The following APP variants were observed in gnomAD, a reference collection of about 807,000 sequenced individuals.
APP encodes amyloid-beta precursor protein.
Under a neutral mutation model 101.4 loss-of-function variants are expected in APP, and 31 were observed. That is an observed-to-expected ratio of 0.31 (90% confidence interval 0.23 to 0.41). The LOEUF is 0.41. Ranked by LOEUF, APP falls within the 10% of genes least tolerant of loss-of-function variation. The pLI is 1.00. For missense variants in APP, 839 were observed against 1,003.7 expected, an observed-to-expected ratio of 0.84 and a Z score of 2.22; for synonymous variants, 366 against 364.4, an observed-to-expected ratio of 1.00 and a Z score of -0.05.
chr21:26,048,257 A>C (rs1450597800), intron 5 of APP, among the ~76,000 whole-genome samples: 1 of 152,076 alleles, frequency 6.6e-6, no homozygotes, highest in African/African-American at 2.4e-5. Flanking sequence ...CGGGAGGTGG[A>C]GGTTGCAGTG....
At chr21:25,903,893 C>T (rs2038646898) in intron 15 of APP, among the ~76,000 whole-genome samples, 1 of 152,156 alleles carries the variant, frequency 6.6e-6, no homozygotes, top group Admixed American at 6.5e-5. Flanking sequence ...AGCATAAAGG[C>T]ATGAAGATGC....
At chr21:26,102,992 A>C (rs1040174469) in intron 2 of APP, among the ~76,000 whole-genome samples, 1 of 152,068 alleles carries the variant, frequency 6.6e-6, no homozygotes, top group African/African-American at 2.4e-5. Context: ...TAGTATAAAT[A>C]ACAGAGGAAA....
At chr21:26,064,634 A>G (rs1252826229) in intron 3 of APP, among the ~76,000 whole-genome samples, 20 of 152,106 alleles carry the variant, frequency 1.3e-4, no homozygotes, top group Admixed American at 1.3e-3. Context: ...AGCCGCTTGC[A>G]AAAGGCATGT....
intron 8 of APP, among the ~76,000 whole-genome samples, chr21:25,992,247 G>A (rs2042895495): frequency 6.6e-6 from 1 of 152,106 alleles, no homozygotes; most frequent in South Asian, 2.1e-4. Flanking sequence ...AGCTGTGTGT[G>A]GTGGCAGGCG....
chr21:26,136,169 A>AAAAGAAAGAAAGAAAGAAAGAAAGAAAG (rs138676290), intron 1 of APP, among the ~76,000 whole-genome samples: 12 of 92,010 alleles, frequency 1.3e-4, no homozygotes, highest in African/African-American at 6.5e-4. Flanking sequence ...GAAAAGAAAG[A>AAAAGAAAGAAAGAAAGAAAGAAAGAAAG]AAAGAAAGAA....
intron 1 of APP, among the ~76,000 whole-genome samples, chr21:26,112,455 C>T (rs1186092294): frequency 6.6e-6 from 1 of 152,178 alleles, no homozygotes; most frequent in African/African-American, 2.4e-5. Flanking sequence ...AAGGTTCTGA[C>T]AACAAAATTA....
intron 13 of APP, among the ~76,000 whole-genome samples, chr21:25,948,853 A>G (rs2040943621): frequency 6.6e-6 from 1 of 151,970 alleles, no homozygotes; most frequent in South Asian, 2.1e-4. Flanking sequence ...TTGACAAAGC[A>G]AAGGTTGAAA....
At chr21:25,927,137 T>A (rs1264617425) in intron 13 of APP, among the ~76,000 whole-genome samples, 1 of 151,420 alleles carries the variant, frequency 6.6e-6, no homozygotes, top group African/African-American at 2.4e-5. Context: ...GAAGCCAGGA[T>A]AAAAGAGATT....
chr21:26,078,651 T>C (rs921953330), intron 3 of APP, among the ~76,000 whole-genome samples: 2 of 152,206 alleles, frequency 1.3e-5, no homozygotes, highest in Non-Finnish European at 2.9e-5. Context: ...GCATAAACCA[T>C]AGAGCTCTCA....
At chr21:26,003,171 G>A (rs771008163) in intron 6 of APP, among the ~76,000 whole-genome samples, 3 of 152,216 alleles carry the variant, frequency 2.0e-5, no homozygotes, top group Non-Finnish European at 2.9e-5. Flanking sequence ...TAGCTAATTC[G>A]TAGAAGCCAG....
intron 5 of APP, among the ~76,000 whole-genome samples, chr21:26,023,336 C>A (rs1024906764): frequency 4.7e-5 from 7 of 150,126 alleles, no homozygotes; most frequent in African/African-American, 7.4e-5. Flanking sequence ...TTGAGACCAG[C>A]CTGGGCCACA....
At chr21:26,141,485 G>A (rs2063044658) in intron 1 of APP, among the ~76,000 whole-genome samples, 3 of 152,286 alleles carry the variant, frequency 2.0e-5, no homozygotes, top group African/African-American at 4.8e-5. Context: ...CTGGATGACT[G>A]AGTTCTTTTA....
chr21:25,900,464 G>A (rs2038380006), intron 15 of APP, among the ~76,000 whole-genome samples: 1 of 151,110 alleles, frequency 6.6e-6, no homozygotes, highest in Non-Finnish European at 1.5e-5. Context: ...GAAGGCTGAG[G>A]CATAAGAATC....
At chr21:26,101,398 A>C in intron 2 of APP, among the ~76,000 whole-genome samples, 1 of 152,020 alleles carries the variant, frequency 6.6e-6, no homozygotes, top group East Asian at 1.9e-4. Context: ...CACCCGGCCC[A>C]AGTTCTCTCT....
At chr21:26,104,751 T>C (rs2062141773) in intron 2 of APP, among the ~76,000 whole-genome samples, 1 of 152,222 alleles carries the variant, frequency 6.6e-6, no homozygotes, top group South Asian at 2.1e-4. Flanking sequence ...TTTATCATCA[T>C]GTTAAGCTAT....
chr21:25,964,414 T>G (rs1250062419), intron 11 of APP, among the ~76,000 whole-genome samples: 1 of 152,144 alleles, frequency 6.6e-6, no homozygotes, highest in Admixed American at 6.5e-5. Flanking sequence ...CAACAGAAAT[T>G]GCAGAAAGAG....
intron 11 of APP, 100 bp downstream of exon 11, chr21:25,974,970 T>C (rs529418747): frequency 3.9e-6 from 6 of 1,529,782 alleles, no homozygotes; most frequent in South Asian, 3.5e-5. Flanking sequence ...GCTCAAGGCA[T>C]TTCTCCTCAT....
Position 25,976,001 on chromosome 21 carries a change from G to C in APP, c.1252C>G (p.Arg418Gly), listed in dbSNP as rs1348134647. The change falls in exon 10 of 18, where the codon CGT becomes GGT. Residue 418 changes from arginine to glycine, a missense_variant. Coordinates refer to ENST00000346798, the MANE Select transcript of APP (RefSeq NM_000484.4). ...QVMREWEEAE[R>G]QAKNLPKADK... ...GCTTTAGGCAAGTTCTTTGCTTGAC[G>C]TTCTGCCTCTTCCCATTCTCTCATG... 8 of 1,613,766 alleles carry C rather than the reference G, an allele frequency of 5.0e-6. No homozygotes were observed. The highest frequency in any genetic ancestry group is 6.8e-6 in the Non-Finnish European group (8 of 1,179,784).
chr21:26,150,478 G>T (rs1442770185), intron 1 of APP, among the ~76,000 whole-genome samples: 2 of 152,104 alleles, frequency 1.3e-5, no homozygotes, highest in African/African-American at 4.8e-5. Flanking sequence ...ATATTTGGGG[G>T]TAGCATATTC....
Sources: allele counts gnomAD v4.1 joint callset (sites outside exome capture counted in the v4.1 genomes callset), GRCh38; gene constraint gnomAD v4.1.1; transcripts MANE v1.5; gene names NCBI Gene and HGNC (gene_info 2026-07-23, HGNC 2026-07-21).